The following IL16 variants were observed in gnomAD, a reference collection of about 807,000 sequenced individuals.
IL16 encodes interleukin 16.
IL16 carries 67 observed loss-of-function variants against 110.1 expected under a neutral mutation model. That is an observed-to-expected ratio of 0.61 (90% confidence interval 0.50 to 0.75). IL16 has a LOEUF of 0.75. Among genes scored for constraint, IL16 ranks in the 30% least tolerant of loss-of-function variants. The pLI, the probability that IL16 is intolerant of heterozygous loss-of-function variation, is 0.00. For missense variants in IL16, 1,545 were observed against 1,655.0 expected, an observed-to-expected ratio of 0.93 and a Z score of 1.15; for synonymous variants, 689 against 662.9, an observed-to-expected ratio of 1.04 and a Z score of -0.61.
chr15:81,306,101 A>G lies in IL16; in HGVS notation c.3614A>G (p.Asp1205Gly). Reference protein sequence around the residue: ...TRKLTPEAMPDLNSSTDSAAS... With the variant: ...TRKLTPEAMPGLNSSTDSAAS... Reference sequence around the variant, plus strand: ...AAGCTGACTCCAGAGGCCATGCCCGACCTCAACTCCTCCACTGACTCTGCA... The same window carrying G: ...AAGCTGACTCCAGAGGCCATGCCCGGCCTCAACTCCTCCACTGACTCTGCA... The change falls in exon 17 of 19, where the codon GAC becomes GGC. Residue 1205 changes from aspartate to glycine, a missense_variant. Physicochemically the swap from Asp to Gly is moderately conservative, Grantham distance 94 (BLOSUM62 -1). Transcript: ENST00000683961. 2 of 1,614,056 alleles carry G rather than the reference A, an allele frequency of 1.2e-6. No homozygotes were observed. The highest frequency in any genetic ancestry group is 2.2e-5 in the South Asian group (2 of 91,074).
intron 1 of IL16, among the ~76,000 whole-genome samples, chr15:81,224,596 AGGAGCC>A (rs1431468542): frequency 6.6e-6 from 1 of 152,260 alleles, no homozygotes; most frequent in Non-Finnish European, 1.5e-5. Flanking sequence ...CATGTTTGCC[AGGAGCC>A]TGTTATGTGC....
rs142057384 is a variant in IL16, at chr15:81,300,044, G to A, written c.2718G>A (p.Ser906=). 1.1e-4 allele frequency: 167 copies of A among 1,568,614 alleles called. 1 individual carries two copies. Among genetic ancestry groups the A allele is most frequent in the Middle Eastern group, 1.0e-3 (6 of 5,810 alleles). ...AGCAGCCTGAGCAAGTACTGTCCTC[G>A]GGGTCCCCTGCAGCCTCCGAGGCCA... The part of the protein sequence containing the change: ...VPQQPEQVLS[S]GSPAASEARD... Residue 906 remains serine, a synonymous_variant, in exon 14 of 19, where the codon TCG becomes TCA. Transcript: ENST00000683961.
chr15:81,308,286 C>T (rs1408693175), intron 18 of IL16, among the ~76,000 whole-genome samples: 2 of 152,196 alleles, frequency 1.3e-5, no homozygotes, highest in Non-Finnish European at 2.9e-5. Flanking sequence ...GGGCAGGACT[C>T]AGCTCCCCAG....
chr15:81,259,570 A>G (rs557562274), intron 2 of IL16, among the ~76,000 whole-genome samples: 4 of 152,354 alleles, frequency 2.6e-5, no homozygotes, highest in African/African-American at 7.2e-5. Context: ...TTCATTCAAT[A>G]TTTGTAATTA....
upstream of IL16, among the ~76,000 whole-genome samples, chr15:81,195,894 T>C (rs558746597): frequency 1.3e-5 from 2 of 152,140 alleles, no homozygotes; most frequent in African/African-American, 4.8e-5. Context: ...GGAAAGGCAC[T>C]CTGGTCTCAT....
At position 81,209,288 on chromosome 15, in the gene IL16, C is replaced by T. The variant is rs528613067; in HGVS notation, c.-102+12136C>T. ...GGAGGGCAGACAGTGTGGGGAGGGG[C>T]GTCCTGGGGGAGGTGGCTGTTGAAA... is the stretch of plus-strand genomic sequence containing the variant. On this transcript the variant is annotated intron_variant, in intron 1 of 18. Coordinates refer to ENST00000683961, the MANE Select transcript of IL16 (RefSeq NM_172217.5). 7.2e-5 allele frequency among the ~76,000 whole-genome samples: 11 copies of T among 152,122 alleles called. No individual in the cohort carries two copies. The South Asian group carries it at 2.1e-3, about 29-fold the overall frequency.
At chr15:81,272,156 G>A (rs940132298) in intron 5 of IL16, among the ~76,000 whole-genome samples, 9 of 152,222 alleles carry the variant, frequency 5.9e-5, no homozygotes, top group African/African-American at 2.2e-4. Context: ...ACTGTCTTCA[G>A]AGAGCTTATA....
At chr15:81,195,837 G>C (rs557104597), upstream of IL16, among the ~76,000 whole-genome samples, 7 of 152,306 alleles carry the variant, frequency 4.6e-5, no homozygotes, top group African/African-American at 1.7e-4. Context: ...CGGGGCAGAT[G>C]GATTAAATGC....
intron 1 of IL16, among the ~76,000 whole-genome samples, chr15:81,223,366 A>G (rs1896683342): frequency 2.0e-5 from 3 of 152,226 alleles, no homozygotes; most frequent in Admixed American, 2.0e-4. Flanking sequence ...ATAGTGTTTG[A>G]AAGACAGAAA....
chr15:81,203,457 C>G (rs994098032), intron 1 of IL16, among the ~76,000 whole-genome samples: 50 of 151,862 alleles, frequency 3.3e-4, no homozygotes, highest in Admixed American at 6.6e-5. Context: ...GGTTTTAGGT[C>G]TAACATTTAA....
intron 9 of IL16, among the ~76,000 whole-genome samples, chr15:81,283,282 T>A (rs1168073661): frequency 6.6e-6 from 1 of 151,874 alleles, no homozygotes; most frequent in Non-Finnish European, 1.5e-5. Context: ...CCATACCCAG[T>A]GGGCTGGTTC....
At chr15:81,195,217 G>C (rs1179311751), upstream of IL16, among the ~76,000 whole-genome samples, 1 of 152,190 alleles carries the variant, frequency 6.6e-6, no homozygotes, top group Admixed American at 6.5e-5. Context: ...CCGATGACAA[G>C]AGAGAGCTTA....
At position 81,305,913 on chromosome 15, in the gene IL16, C is replaced by T. The variant is rs746676389; in HGVS notation, c.3426C>T (p.His1142=). ...ACTTCCTTTGGTTTGCTCAGGTTCA[C>T]AGAGTGTTTCCAAATGGGCTGGCCT... ...ADLENKVITV[H]RVFPNGLASQ... The change falls in exon 17 of 19, where the codon CAC becomes CAT. Residue 1142 remains histidine (H), a synonymous_variant. Transcript: ENST00000683961. 1.2e-6 allele frequency: 2 copies of T among 1,613,948 alleles called. No homozygotes were observed. The highest frequency in any genetic ancestry group is 1.7e-6 in the Non-Finnish European group (2 of 1,179,952).
Position 81,210,606 on chromosome 15 carries a change from A to G in IL16, c.-102+13454A>G, listed in dbSNP as rs150359320. Among the ~76,000 whole-genome samples the G allele has an allele frequency of 3.4e-3, 521 of 152,212 alleles. 5 individuals are homozygous for G. Among genetic ancestry groups the G allele is most frequent in the African/African-American group, 0.012 (478 of 41,542 alleles). ...TTCGTTATTCATTTTCTTTGTGGCT[A>G]TTACAAGTGGGATTGTGTTCTTGAT... is the stretch of plus-strand genomic sequence containing the variant. On this transcript the variant is annotated intron_variant, in intron 1 of 18. Transcript: ENST00000683961.
chr15:81,301,209 A>T, intron 14 of IL16, 135 bp from the exon 15 acceptor site: 1 of 645,184 alleles, frequency 1.5e-6, no homozygotes, highest in Non-Finnish European at 2.7e-6. Context: ...GCTAGTATCT[A>T]CTCATAGATT....
At chr15:81,218,754 T>G (rs962216784) in intron 1 of IL16, among the ~76,000 whole-genome samples, 1 of 152,218 alleles carries the variant, frequency 6.6e-6, no homozygotes, top group African/African-American at 2.4e-5. Context: ...TATTTTATGC[T>G]TTTTCAGCTT....
At position 81,313,363 on chromosome 15, in the gene IL16, C is replaced by T. The variant is rs765211189; in HGVS notation, c.*4565C>T. 4.6e-5 allele frequency: 73 copies of T among 1,574,302 alleles called. No individual in the cohort carries two copies. The highest frequency in any genetic ancestry group is 3.9e-4 in the South Asian group (33 of 83,850). On this transcript the variant is annotated 3_prime_UTR_variant, in exon 19 of 19. Coordinates refer to ENST00000683961, the MANE Select transcript of IL16 (RefSeq NM_172217.5). ...TTCTGTGGGAGGTAACCGCTGAGGTCGGTATGGAAGAATGTGACCAGGTTG... is the reference window on the plus strand; with the variant it reads ...TTCTGTGGGAGGTAACCGCTGAGGTTGGTATGGAAGAATGTGACCAGGTTG...
In IL16 at chr15:81,285,611, C is replaced by T. The variant is rs1899409666; in HGVS notation, c.1200-87C>T. On this transcript the variant is annotated intron_variant, in intron 9 of 18. Coordinates refer to ENST00000683961, the MANE Select transcript of IL16 (RefSeq NM_172217.5). ...TGATTTTTATATCTCATCAAACAGCCCAGCCAGGAGTGGGCCCCTGGGGCA... is the reference window on the plus strand; with the variant it reads ...TGATTTTTATATCTCATCAAACAGCTCAGCCAGGAGTGGGCCCCTGGGGCA... 5.6e-6 allele frequency: 8 copies of T among 1,422,654 alleles called. No homozygotes were observed. In the Admixed American group the frequency reaches 1.4e-4, roughly 25 times the overall value. 88.1% of individuals were successfully genotyped at this position (1,422,654 alleles called of 1,614,324 possible).
intron 2 of IL16, among the ~76,000 whole-genome samples, chr15:81,250,842 T>C (rs528886274): frequency 6.6e-6 from 1 of 152,350 alleles, no homozygotes; most frequent in East Asian, 1.9e-4. Flanking sequence ...AGGGGATTAA[T>C]TTATTTCCAA....
Sources: allele counts gnomAD v4.1 joint callset (sites outside exome capture counted in the v4.1 genomes callset), GRCh38; gene constraint gnomAD v4.1.1; transcripts MANE v1.5; gene names NCBI Gene and HGNC (gene_info 2026-07-23, HGNC 2026-07-21).